MYT1L: variants seen among roughly 807,000 people sequenced by gnomAD.
The protein encoded by MYT1L is myelin transcription factor 1-like protein.
In MYT1L, 12 loss-of-function variants were observed where a neutral mutation model predicts 126.7. The observed-to-expected ratio is 0.09, with a 90% CI of 0.06 to 0.15. The LOEUF is 0.15. Ranked by LOEUF, MYT1L falls within the 10% of genes least tolerant of loss-of-function variation. The pLI is 1.00. For missense variants in MYT1L, 979 were observed against 1,585.2 expected (o/e 0.62, Z 6.49); for synonymous variants, 541 against 604.2 (o/e 0.90, Z 1.53).
At chr2:2,109,235 T>C (rs1022124561) in intron 3 of MYT1L, among the ~76,000 whole-genome samples, 1 of 152,202 alleles carries the variant, frequency 6.6e-6, no homozygotes, top group Non-Finnish European at 1.5e-5. Context: ...CAACAGTCTT[T>C]GGAATGTTTG....
chr2:2,067,969 T>C (rs1369545754), intron 3 of MYT1L, among the ~76,000 whole-genome samples: 1 of 152,158 alleles, frequency 6.6e-6, no homozygotes, highest in East Asian at 1.9e-4. Flanking sequence ...GATGAGATAC[T>C]GTCCCCTGCC....
chr2:2,302,336 T>G (rs186227026), intron 1 of MYT1L, among the ~76,000 whole-genome samples: 1 of 152,330 alleles, frequency 6.6e-6, no homozygotes, highest in Non-Finnish European at 1.5e-5. Flanking sequence ...TTCAGAAATT[T>G]TTGGACCAAT....
intron 13 of MYT1L, among the ~76,000 whole-genome samples, chr2:1,905,429 A>G (rs2050923648): frequency 6.6e-6 from 1 of 151,564 alleles, no homozygotes; most frequent in Non-Finnish European, 1.5e-5. Context: ...TCTCGGCTCA[A>G]TGCAACCTCC....
At chr2:2,328,395 T>C (rs1432918679) in intron 1 of MYT1L, among the ~76,000 whole-genome samples, 1 of 152,246 alleles carries the variant, frequency 6.6e-6, no homozygotes. Context: ...AGTCTCATTC[T>C]CTGAAACTAT....
At chr2:1,865,321 G>A (rs112371963) in intron 18 of MYT1L, among the ~76,000 whole-genome samples, 6,162 of 152,262 alleles carry the variant, frequency 0.04, 163 homozygotes, top group South Asian at 0.09. Context: ...TCCTGCGGCC[G>A]TGCGGGGTTC....
At chr2:1,826,368 T>TG (rs2039336308) in intron 21 of MYT1L, among the ~76,000 whole-genome samples, 1 of 151,348 alleles carries the variant, frequency 6.6e-6, no homozygotes, top group South Asian at 2.1e-4. Context: ...TGGGGAGGGC[T>TG]GGGGGGCGGG....
At chr2:1,999,802 G>A (rs1174716354) in intron 4 of MYT1L, among the ~76,000 whole-genome samples, 1 of 152,126 alleles carries the variant, frequency 6.6e-6, no homozygotes, top group Non-Finnish European at 1.5e-5. Flanking sequence ...TGGAATATTA[G>A]TAATAATACC....
At chr2:2,038,645 T>G (rs564495700) in intron 4 of MYT1L, among the ~76,000 whole-genome samples, 11 of 152,232 alleles carry the variant, frequency 7.2e-5, no homozygotes, top group Non-Finnish European at 1.5e-4. Context: ...TCAGAAGTAA[T>G]GTGACGTTGC....
At position 2,101,500 on chromosome 2, in the gene MYT1L, T is replaced by G. The variant is rs149654151; in HGVS notation, c.-303-47377A>C. On this transcript the variant is annotated intron_variant, in intron 3 of 24. Coordinates refer to ENST00000647738, the MANE Select transcript of MYT1L (RefSeq NM_001303052.2). Reference sequence around the variant, plus strand: ...ATCCATTTATGTGTTATTAAATGGATGGATGCATACATCCATCTATCCACT... The same window carrying G: ...ATCCATTTATGTGTTATTAAATGGAGGGATGCATACATCCATCTATCCACT... Among the ~76,000 whole-genome samples the G allele has an allele frequency of 2.0e-3, 310 of 152,236 alleles. 3 individuals carry two copies. The highest frequency in any genetic ancestry group is 6.9e-4 in the Non-Finnish European group (47 of 68,020).
At chr2:1,999,404 G>A (rs556505552) in intron 4 of MYT1L, among the ~76,000 whole-genome samples, 9 of 152,228 alleles carry the variant, frequency 5.9e-5, no homozygotes, top group African/African-American at 2.2e-4. Flanking sequence ...GTAAGATATC[G>A]CTACATCAAC....
chr2:2,150,678 T>C (rs1278979908), intron 3 of MYT1L, among the ~76,000 whole-genome samples: 1 of 152,214 alleles, frequency 6.6e-6, no homozygotes, highest in African/African-American at 2.4e-5. Flanking sequence ...TTAGATTCTC[T>C]ACCTTATCAT....
At chr2:1,991,194 C>T (rs1352526085) in intron 5 of MYT1L, among the ~76,000 whole-genome samples, 1 of 152,202 alleles carries the variant, frequency 6.6e-6, no homozygotes, top group Non-Finnish European at 1.5e-5. Context: ...CTGCTCGCTG[C>T]CAGGAATCGT....
At chr2:2,164,717 T>C (rs566092267) in intron 3 of MYT1L, among the ~76,000 whole-genome samples, 1 of 152,314 alleles carries the variant, frequency 6.6e-6, no homozygotes, top group Non-Finnish European at 1.5e-5. Flanking sequence ...TCAGGGCATA[T>C]GAAAGAAAGA....
At chr2:2,004,411 C>G (rs2062894202) in intron 4 of MYT1L, among the ~76,000 whole-genome samples, 1 of 150,446 alleles carries the variant, frequency 6.6e-6, no homozygotes, top group African/African-American at 2.5e-5. Flanking sequence ...GCGTTCTTTC[C>G]TGCATGCGTT....
At chr2:2,084,273 C>T (rs2076141425) in intron 3 of MYT1L, among the ~76,000 whole-genome samples, 1 of 152,236 alleles carries the variant, frequency 6.6e-6, no homozygotes, top group Non-Finnish European at 1.5e-5. Context: ...ATGGAAAGTT[C>T]AGTTCTTGTC....
In MYT1L at chr2:1,801,013, C is replaced by T. The variant is rs114395175; in HGVS notation, c.3276+683G>A. Among the ~76,000 whole-genome samples, 1,055 of 152,300 alleles carry T rather than the reference C, an allele frequency of 6.9e-3. 12 individuals are homozygous for T. The highest frequency in any genetic ancestry group is 0.025 in the African/African-American group (1,020 of 41,566). ...AGTGTACTTCGGCGGGACCCTAACA[C>T]AGCAAGGTGGGGGATGCCAGGCACA... is the stretch of plus-strand genomic sequence containing the variant. On this transcript the variant is annotated intron_variant, in intron 23 of 24. Transcript: ENST00000647738. The surrounding 1 kb of genome is among the most constrained non-coding windows in gnomAD (Gnocchi z 4.2).
intron 18 of MYT1L, among the ~76,000 whole-genome samples, chr2:1,884,292 A>G (rs548944080): frequency 4.6e-5 from 7 of 152,352 alleles, no homozygotes; most frequent in African/African-American, 1.4e-4. Flanking sequence ...TTAATCAGGG[A>G]CGATGCTGCT....
intron 3 of MYT1L, among the ~76,000 whole-genome samples, chr2:2,100,574 G>A (rs1468816630): frequency 6.6e-6 from 1 of 152,108 alleles, no homozygotes; most frequent in Non-Finnish European, 1.5e-5. Flanking sequence ...ATTGTCCATG[G>A]ACACTGGTCT....
intron 3 of MYT1L, among the ~76,000 whole-genome samples, chr2:2,165,426 T>C (rs2088897550): frequency 6.6e-6 from 1 of 152,080 alleles, no homozygotes; most frequent in Non-Finnish European, 1.5e-5. Context: ...TGTGGCAAGC[T>C]CACACCTAAA....
Sources: gnomAD v4.1 joint callset for allele counts (sites outside exome capture counted in the v4.1 genomes callset) on GRCh38, gnomAD v4.1.1 for gene constraint, Gnocchi (gnomAD v3.1) non-coding constraint, MANE v1.5 for transcripts, NCBI Gene and HGNC (gene_info 2026-07-23, HGNC 2026-07-21) for gene names.